Variants in KPNA5 observed in about 807,000 individuals in gnomAD.
KPNA5 encodes karyopherin subunit alpha 5.
Under a neutral mutation model 71.3 loss-of-function variants are expected in KPNA5, and 46 were observed. That is an observed-to-expected ratio of 0.65 (90% confidence interval 0.51 to 0.83). The LOEUF is 0.83. KPNA5 is among the 40% of genes least tolerant of loss of function. The probability of loss-of-function intolerance (pLI) is 0.00; values close to 1 mark genes in which losing one functional copy is unlikely to be tolerated. For synonymous variants in KPNA5, 207 were observed against 201.4 expected (o/e 1.03, Z -0.24); for missense variants, 547 against 628.3 (o/e 0.87, Z 1.38).
At chr6:116,708,630 T>C (rs77208619) in intron 7 of KPNA5, among the ~76,000 whole-genome samples, 6,482 of 152,284 alleles carry the variant, frequency 0.043, 422 homozygotes, top group African/African-American at 0.14. Context: ...TAGATTTTAG[T>C]AAACAGGTCG....
At chr6:116,705,394 A>G (rs1452132364) in intron 7 of KPNA5, among the ~76,000 whole-genome samples, 1 of 152,194 alleles carries the variant, frequency 6.6e-6, no homozygotes, top group East Asian at 1.9e-4. Context: ...TTACTGATCT[A>G]AAATAATTAT....
Position 116,734,932 on chromosome 6 carries a change from T to C in KPNA5, c.*2609T>C, listed in dbSNP as rs1286098149. On this transcript the variant is annotated 3_prime_UTR_variant, in exon 14 of 14. Coordinates refer to ENST00000368564, the MANE Select transcript of KPNA5 (RefSeq NM_001366306.2). ...ATTAATGCAAATATCAAGAAAATAC[T>C]TGAAAGAGTCCTTTTCATTTATTTA... is the stretch of plus-strand genomic sequence containing the variant. The C allele has an allele frequency of 1.3e-5, 2 of 151,738 alleles. No homozygotes were observed. Among genetic ancestry groups the C allele is most frequent in the Admixed American group, 6.6e-5 (1 of 15,174 alleles). 9.4% of individuals were successfully genotyped at this position (151,738 alleles called of 1,614,324 possible). A position where few individuals can be genotyped will look rare whatever the true frequency, so the allele number is the denominator to read the frequency against.
In KPNA5 at chr6:116,738,110, TAATA is replaced by T. The variant is rs1779736505; in HGVS notation, c.*5790_*5793del. The T allele has an allele frequency of 6.6e-6, 1 of 151,738 alleles. No homozygotes were observed. Among genetic ancestry groups the T allele is most frequent in the Non-Finnish European group, 1.5e-5 (1 of 67,942 alleles). The allele number at this position is 151,738 out of a possible 1,614,324, so 9.4% of individuals were successfully genotyped here. A position where few individuals can be genotyped will look rare whatever the true frequency, so the allele number is the denominator to read the frequency against. ...AAAATTGACAGACCGTTAGCAAGAC[TAATA>T]AAGAAGAAAAGAGAGAAGAATCAAA... On this transcript the variant is annotated 3_prime_UTR_variant, in exon 14 of 14. Transcript: ENST00000368564.
chr6:116,730,056 A>G (rs556947498), intron 13 of KPNA5, among the ~76,000 whole-genome samples: 1 of 146,378 alleles, frequency 6.8e-6, no homozygotes, highest in South Asian at 2.2e-4. Context: ...AATGTTATGT[A>G]TATACTATAT....
At chr6:116,722,391 G>GA (rs1320674763) in intron 9 of KPNA5, 102 bp downstream of exon 9, 1 of 1,004,240 alleles carries the variant, frequency 1.0e-6, no homozygotes, top group African/African-American at 1.7e-5. Context: ...TGTCTTCAGG[G>GA]AAAATTAAAA....
intron 7 of KPNA5, among the ~76,000 whole-genome samples, chr6:116,709,633 T>C (rs74324492): frequency 7.4e-4 from 113 of 152,328 alleles, no homozygotes; most frequent in African/African-American, 2.6e-3. Flanking sequence ...CAATGTTATT[T>C]AGAAGTGGCA....
At chr6:116,718,861 G>A (rs1389207734) in intron 8 of KPNA5, among the ~76,000 whole-genome samples, 7 of 151,510 alleles carry the variant, frequency 4.6e-5, no homozygotes, top group African/African-American at 1.2e-4. Flanking sequence ...TCTGCCTCCC[G>A]GGTTCAAGCA....
chr6:116,732,407 T>A lies in KPNA5; in HGVS notation c.*84T>A. ...GTTGCCAATGTAAGAATGTTTGTTT[T>A]TTTACATAGAACAGTAAAGAGAATT... is the stretch of plus-strand genomic sequence containing the variant. On this transcript the variant is annotated 3_prime_UTR_variant, in exon 14 of 14. Coordinates refer to ENST00000368564, the MANE Select transcript of KPNA5 (RefSeq NM_001366306.2). 2.7e-6 allele frequency: 2 copies of A among 744,582 alleles called. No homozygotes were observed. Among genetic ancestry groups the A allele is most frequent in the South Asian group, 6.4e-5 (2 of 31,488 alleles). 46.1% of individuals were successfully genotyped at this position (744,582 alleles called of 1,614,324 possible).
rs974030182 is a variant in KPNA5, at chr6:116,708,285, G to A, written c.656+3125G>A. 1.3e-5 allele frequency among the ~76,000 whole-genome samples: 2 copies of A among 152,120 alleles called. 1 individual carries two copies. Among genetic ancestry groups the A allele is most frequent in the South Asian group, 4.1e-4 (2 of 4,828 alleles). ...TGTAAATACGTAGGAGTGGAATTTG[G>A]TAATATGGTAATTCTATCTTTAATT... is the stretch of plus-strand genomic sequence containing the variant. On this transcript the variant is annotated intron_variant, in intron 7 of 13. Transcript: ENST00000368564.
chr6:116,713,052 ATT>A (rs201995086), intron 7 of KPNA5, among the ~76,000 whole-genome samples: 1 of 149,040 alleles, frequency 6.7e-6, no homozygotes, highest in Non-Finnish European at 1.5e-5. Context: ...ATTTATAATG[ATT>A]TTTTTTTTGC....
chr6:116,708,780 ATTAT>A (rs934670091), intron 7 of KPNA5, among the ~76,000 whole-genome samples: 3 of 151,370 alleles, frequency 2.0e-5, no homozygotes, highest in Non-Finnish European at 4.4e-5. Context: ...TTGTGTGTTG[ATTAT>A]TTATTTTTTT....
chr6:116,681,549 C>A, intron 1 of KPNA5: 1 of 1,337,026 alleles, frequency 7.5e-7, no homozygotes, highest in Non-Finnish European at 9.6e-7. Context: ...GACGCGAAGG[C>A]GTGGTGAGTT....
At chr6:116,695,898 A>G (rs1274136365) in intron 4 of KPNA5, among the ~76,000 whole-genome samples, 2 of 152,106 alleles carry the variant, frequency 1.3e-5, no homozygotes, top group Non-Finnish European at 2.9e-5. Context: ...GTTTGCCACC[A>G]GTGTTTTTGT....
chr6:116,681,457 C>T (rs1777351244), intron 1 of KPNA5, 119 bp downstream of exon 1: 3 of 1,416,910 alleles, frequency 2.1e-6, no homozygotes, highest in Non-Finnish European at 2.8e-6. Flanking sequence ...GTCTCTGGAA[C>T]CTGGCGGTGC....
At position 116,722,211 on chromosome 6, in the gene KPNA5, A is replaced by C. The variant is rs144173912; in HGVS notation, c.842A>C (p.Tyr281Ser). 1.7e-5 allele frequency: 28 copies of C among 1,613,240 alleles called. No homozygotes were observed. The highest frequency in any genetic ancestry group is 2.4e-5 in the Non-Finnish European group (28 of 1,179,570). ...VLADVCWALS[Y>S]LSDGPNDKIQ... Reference sequence around the variant, plus strand: ...GCAGACGTGTGTTGGGCCCTTTCTTATCTCTCCGATGGACCCAATGATAAA... The same window carrying C: ...GCAGACGTGTGTTGGGCCCTTTCTTCTCTCTCCGATGGACCCAATGATAAA... The change falls in exon 9 of 14, where the codon TAT becomes TCT. Residue 281 changes from tyrosine (Y) to serine (S), a missense_variant. By Grantham distance (144) the Tyr-to-Ser change is moderately radical (BLOSUM62 -2). Transcript: ENST00000368564.
intron 1 of KPNA5, among the ~76,000 whole-genome samples, chr6:116,682,706 A>C (rs1367022896): frequency 6.6e-6 from 1 of 152,232 alleles, no homozygotes; most frequent in East Asian, 1.9e-4. Flanking sequence ...GGTTTTTCTA[A>C]GAGCCGTTGA....
intron 1 of KPNA5, 132 bp downstream of exon 1, chr6:116,681,470 G>A (rs1035946364): frequency 1.4e-6 from 2 of 1,397,838 alleles, no homozygotes; most frequent in African/African-American, 3.0e-5. Context: ...GGCGGTGCCG[G>A]GTGTTTCTCG....
chr6:116,685,050 A>G (rs942862706), intron 1 of KPNA5, among the ~76,000 whole-genome samples: 3 of 152,254 alleles, frequency 2.0e-5, no homozygotes, highest in Non-Finnish European at 4.4e-5. Flanking sequence ...GAGTGAAATG[A>G]AAACTTATGT....
rs540808657 is a variant in KPNA5, at chr6:116,707,752, T to C, written c.656+2592T>C. Among the ~76,000 whole-genome samples the C allele has an allele frequency of 4.6e-5, 7 of 152,348 alleles. No homozygotes were observed. The South Asian group carries it at 1.2e-3, about 27-fold the overall frequency. ...TTAGGAAAGCCTTTAGAACAGAAACTTTTTTTAGTGTAATAGAATACATGT... is the reference window on the plus strand; with the variant it reads ...TTAGGAAAGCCTTTAGAACAGAAACCTTTTTTAGTGTAATAGAATACATGT... On this transcript the variant is annotated intron_variant, in intron 7 of 13. Transcript: ENST00000368564.
Sources: allele counts gnomAD v4.1 joint callset (sites outside exome capture counted in the v4.1 genomes callset), GRCh38; gene constraint gnomAD v4.1.1; transcripts MANE v1.5; gene names NCBI Gene and HGNC (gene_info 2026-07-23, HGNC 2026-07-21).